The following GRXCR2 variants were observed in gnomAD, a reference collection of about 807,000 sequenced individuals.
The protein encoded by GRXCR2 is glutaredoxin and cysteine rich domain containing 2, also known as glutaredoxin domain-containing cysteine-rich protein 2.
In GRXCR2, 23 loss-of-function variants were observed where a neutral mutation model predicts 24.8. That is an observed-to-expected ratio of 0.93 (90% CI 0.67 to 1.32). GRXCR2 has a LOEUF of 1.32. GRXCR2 is among the 40% of genes most tolerant of loss of function. The pLI, the probability that GRXCR2 is intolerant of heterozygous loss-of-function variation, is 0.00. For synonymous variants in GRXCR2, 130 were observed against 116.1 expected (o/e 1.12, Z -0.77); for missense variants, 315 against 303.4 (o/e 1.04, Z -0.28).
At chr5:145,926,628 T>C (rs1757401238) in intron 2 of GRXCR2, among the ~76,000 whole-genome samples, 2 of 152,238 alleles carry the variant, frequency 1.3e-5, no homozygotes, top group Non-Finnish European at 1.5e-5. Context: ...TTGGTTACTG[T>C]AGCCTTGTAG....
upstream of GRXCR2, among the ~76,000 whole-genome samples, chr5:145,877,588 A>T (rs979975470): frequency 1.8e-4 from 28 of 152,260 alleles, no homozygotes; most frequent in African/African-American, 6.5e-4. Context: ...TATAGAAGAG[A>T]TCTGTTCCAA....
chr5:145,894,974 G>A (rs1054212404), intron 2 of GRXCR2, among the ~76,000 whole-genome samples: 1 of 152,090 alleles, frequency 6.6e-6, no homozygotes, highest in Admixed American at 6.6e-5. Flanking sequence ...TGCAAGGCTG[G>A]TTCAACATAC....
chr5:145,859,776 C>T lies in GRXCR2; in HGVS notation c.704G>A (p.Cys235Tyr). The change falls in exon 3 of 3, where the codon TGC becomes TAC. Residue 235 changes from cysteine to tyrosine, a missense_variant. Transcript: ENST00000377976. The stretch of plus-strand genomic sequence containing the variant: ...GCAAGGCTGTAGGCCATTCTCATTG[C>T]AGGCAGGGCACCTCAGGGCCCGATA... ...ESYRALRCPACNENGLQPCQI... is the reference protein window; with the variant it reads ...ESYRALRCPAYNENGLQPCQI... The T allele has an allele frequency of 6.2e-7, 1 of 1,614,230 alleles. No homozygotes were observed. Among genetic ancestry groups the T allele is most frequent in the South Asian group, 1.1e-5 (1 of 91,088 alleles).
chr5:145,916,310 G>A (rs182677721), intron 2 of GRXCR2, among the ~76,000 whole-genome samples: 1 of 152,330 alleles, frequency 6.6e-6, no homozygotes, highest in Non-Finnish European at 1.5e-5. Context: ...TATTATTAGG[G>A]GAAATTGATG....
intron 2 of GRXCR2, among the ~76,000 whole-genome samples, chr5:145,891,360 G>A (rs1212127788): frequency 6.6e-6 from 1 of 152,184 alleles, no homozygotes; most frequent in Admixed American, 6.5e-5. Flanking sequence ...GAAGTGCAAG[G>A]AGTCAGGGAA....
intron 2 of GRXCR2, among the ~76,000 whole-genome samples, chr5:145,895,685 T>C (rs1756938893): frequency 6.6e-6 from 1 of 152,150 alleles, no homozygotes; most frequent in Admixed American, 6.6e-5. Flanking sequence ...AGAATCAGTA[T>C]CGTGAAAATG....
chr5:145,877,243 A>C (rs1467232795), upstream of GRXCR2, among the ~76,000 whole-genome samples: 2 of 152,154 alleles, frequency 1.3e-5, no homozygotes, highest in Non-Finnish European at 2.9e-5. Context: ...ACAATATGAA[A>C]AATTATGTAG....
At chr5:145,909,856 A>C (rs145694088) in intron 2 of GRXCR2, among the ~76,000 whole-genome samples, 148 of 152,164 alleles carry the variant, frequency 9.7e-4, no homozygotes, top group African/African-American at 3.5e-3. Context: ...AATATTGCTG[A>C]TCTCTTGATT....
At chr5:145,897,869 A>C (rs1336546758) in intron 2 of GRXCR2, among the ~76,000 whole-genome samples, 2 of 152,128 alleles carry the variant, frequency 1.3e-5, no homozygotes, top group Non-Finnish European at 2.9e-5. Flanking sequence ...AAAAGTTAGA[A>C]AAATCTCAAA....
chr5:145,926,572 G>A (rs1251348041), intron 2 of GRXCR2, among the ~76,000 whole-genome samples: 1 of 152,098 alleles, frequency 6.6e-6, no homozygotes, highest in Non-Finnish European at 1.5e-5. Flanking sequence ...GCTCTGTTCT[G>A]TTCCATTGGT....
rs752175323 is a variant in GRXCR2 at position 145,859,890 on chromosome 5, C to T, written c.590G>A (p.Cys197Tyr). The T allele has an allele frequency of 1.3e-6, 2 of 1,594,456 alleles. No individual in the cohort carries two copies. Among genetic ancestry groups the T allele is most frequent in the Non-Finnish European group, 1.7e-6 (2 of 1,169,456 alleles). ...TQEGDIPEDS[C>Y]FHCRGSGSAT... is the part of the protein sequence containing the mutation. Reference sequence around the variant, plus strand: ...ACTGCCCGACCCTCGGCAGTGAAAACAGCTGTCCTCGGGAATATCCCCTTC... The same window carrying T: ...ACTGCCCGACCCTCGGCAGTGAAAATAGCTGTCCTCGGGAATATCCCCTTC... Residue 197 changes from cysteine (C) to tyrosine (Y), a missense_variant, in exon 3 of 3, where the codon TGT (cysteine) becomes TAT (tyrosine). Coordinates refer to ENST00000377976, the MANE Select transcript of GRXCR2 (RefSeq NM_001080516.2).
chr5:145,908,384 C>G (rs976782777), intron 2 of GRXCR2, among the ~76,000 whole-genome samples: 3 of 152,038 alleles, frequency 2.0e-5, no homozygotes, highest in Admixed American at 6.5e-5. Flanking sequence ...CAAGGAGGAG[C>G]AAGGCAGGCA....
chr5:145,929,974 A>G (rs922808944), intron 2 of GRXCR2, among the ~76,000 whole-genome samples: 3 of 152,182 alleles, frequency 2.0e-5, no homozygotes, highest in Admixed American at 6.6e-5. Flanking sequence ...ATAACACTGA[A>G]TCACACCAGG....
At chr5:145,865,871 C>T (rs1756420083) in intron 2 of GRXCR2, among the ~76,000 whole-genome samples, 1 of 152,070 alleles carries the variant, frequency 6.6e-6, no homozygotes, top group Non-Finnish European at 1.5e-5. Context: ...GGCACGGTGG[C>T]TCATGCTTGT....
chr5:145,880,397 A>G (rs542805085), intron 2 of GRXCR2, among the ~76,000 whole-genome samples: 24 of 152,378 alleles, frequency 1.6e-4, no homozygotes, highest in African/African-American at 5.0e-4. Context: ...ACAAGCTATC[A>G]TCAGAAAATA....
At chr5:145,909,639 A>G (rs1757137673) in intron 2 of GRXCR2, among the ~76,000 whole-genome samples, 1 of 152,168 alleles carries the variant, frequency 6.6e-6, no homozygotes, top group Admixed American at 6.5e-5. Context: ...GAATATAAGC[A>G]TGGACTTTGG....
At chr5:145,876,234 C>CA (rs1491253058), upstream of GRXCR2, among the ~76,000 whole-genome samples, 51 of 129,990 alleles carry the variant, frequency 3.9e-4, 1 homozygote, top group South Asian at 8.3e-3. Context: ...CACACACATA[C>CA]CCACACACAC....
At chr5:145,912,197 G>A (rs747688052) in intron 2 of GRXCR2, among the ~76,000 whole-genome samples, 28 of 152,172 alleles carry the variant, frequency 1.8e-4, no homozygotes, top group Non-Finnish European at 2.8e-4. Context: ...AGTGCTGGGC[G>A]GACAAAGGTC....
upstream of GRXCR2, among the ~76,000 whole-genome samples, chr5:145,876,275 A>G (rs1385755423): frequency 7.2e-6 from 1 of 138,964 alleles, no homozygotes; most frequent in Non-Finnish European, 1.5e-5. Context: ...AACAATTATT[A>G]TTTTCCTTTT....
Sources: gnomAD v4.1 joint callset for allele counts (sites outside exome capture counted in the v4.1 genomes callset) on GRCh38, gnomAD v4.1.1 for gene constraint, MANE v1.5 for transcripts, NCBI Gene and HGNC (gene_info 2026-07-23, HGNC 2026-07-21) for gene names.